THSD4: variants seen among roughly 807,000 people sequenced by gnomAD.
The protein encoded by THSD4 is thrombospondin type-1 domain-containing protein 4.
In THSD4, 69 loss-of-function variants were observed where a neutral mutation model predicts 119.0. That is an observed-to-expected ratio of 0.58 (90% CI 0.48 to 0.71). THSD4 has a LOEUF of 0.71. Ranked by LOEUF, THSD4 falls within the 30% of genes least tolerant of loss-of-function variation. The pLI is 0.00. For missense variants in THSD4, 1,393 were observed against 1,391.1 expected (o/e 1.00, Z -0.02); for synonymous variants, 524 against 540.4 (o/e 0.97, Z 0.42).
intron 6 of THSD4, among the ~76,000 whole-genome samples, chr15:71,371,236 T>A (rs887278734): frequency 7.2e-5 from 11 of 152,238 alleles, no homozygotes; most frequent in African/African-American, 2.7e-4. Context: ...TTATCCAGTT[T>A]GCCAGTTTGT....
chr15:71,625,381 A>G (rs1022860235), intron 7 of THSD4, among the ~76,000 whole-genome samples: 1 of 152,174 alleles, frequency 6.6e-6, no homozygotes, highest in African/African-American at 2.4e-5. Flanking sequence ...TGTTGAGTAT[A>G]TTGGGGGCTC....
chr15:71,442,660 G>GTGTGTGTATA, intron 7 of THSD4, among the ~76,000 whole-genome samples: 14 of 25,820 alleles, frequency 5.4e-4, no homozygotes, highest in African/African-American at 1.5e-3. Context: ...GTGTGTGTGT[G>GTGTGTGTATA]TATATATATA....
At chr15:71,550,339 T>C (rs1188382605) in intron 7 of THSD4, among the ~76,000 whole-genome samples, 1 of 152,218 alleles carries the variant, frequency 6.6e-6, no homozygotes, top group Non-Finnish European at 1.5e-5. Context: ...GACATTGTTA[T>C]ATGTAGGGAC....
chr15:71,157,262 T>C (rs1450657048), intron 3 of THSD4, among the ~76,000 whole-genome samples: 1 of 152,188 alleles, frequency 6.6e-6, no homozygotes, highest in Non-Finnish European at 1.5e-5. Context: ...TTTCTTCAAG[T>C]GTTTGCTCTG....
chr15:71,703,783 G>A (rs980781652), intron 8 of THSD4, among the ~76,000 whole-genome samples: 2 of 152,148 alleles, frequency 1.3e-5, no homozygotes, highest in African/African-American at 2.4e-5. Flanking sequence ...TCTGGTGAGG[G>A]GCAAGGATCT....
At chr15:71,291,849 A>G (rs932175280) in intron 6 of THSD4, among the ~76,000 whole-genome samples, 1 of 151,944 alleles carries the variant, frequency 6.6e-6, no homozygotes, top group African/African-American at 2.4e-5. Context: ...GAGGCCTCCT[A>G]CCCTTAGTCT....
chr15:71,108,685 T>G (rs898132487), intron 1 of THSD4, among the ~76,000 whole-genome samples: 2 of 152,172 alleles, frequency 1.3e-5, no homozygotes, highest in Non-Finnish European at 2.9e-5. Flanking sequence ...GGCCTCTGTT[T>G]TTTAATCTGA....
At chr15:71,504,172 T>G (rs2048155802) in intron 7 of THSD4, among the ~76,000 whole-genome samples, 1 of 152,194 alleles carries the variant, frequency 6.6e-6, no homozygotes, top group South Asian at 2.1e-4. Context: ...GATCAAGTCA[T>G]GCAGAATTTC....
chr15:71,406,634 G>T (rs1234614951), intron 6 of THSD4, among the ~76,000 whole-genome samples: 6 of 145,374 alleles, frequency 4.1e-5, no homozygotes, highest in African/African-American at 1.5e-4. Context: ...AGTTCTCTCA[G>T]GTTTGTTTGG....
In THSD4 at chr15:71,346,607, G is replaced by A. The variant is rs139430448; in HGVS notation, c.1016-65080G>A. Among the ~76,000 whole-genome samples, 124 of 152,178 alleles carry A rather than the reference G, an allele frequency of 8.1e-4. 3 individuals are homozygous for A. In the East Asian group the frequency reaches 0.024, roughly 29 times the overall value. On this transcript the variant is annotated intron_variant, in intron 6 of 17. Transcript: ENST00000261862. ...TTTACCAGTCCTAGCCCTGGAATCA[G>A]CCATTTTTCCAAGGAGCCCTCGTCC...
At chr15:71,646,586 T>C (rs913045299) in intron 7 of THSD4, among the ~76,000 whole-genome samples, 1 of 152,210 alleles carries the variant, frequency 6.6e-6, no homozygotes, top group Admixed American at 6.6e-5. Flanking sequence ...AAATAAAACA[T>C]AATATGCATT....
chr15:71,262,143 A>G (rs1047466529), intron 6 of THSD4, among the ~76,000 whole-genome samples: 1 of 152,218 alleles, frequency 6.6e-6, no homozygotes, highest in Non-Finnish European at 1.5e-5. Flanking sequence ...GCCACATAGA[A>G]TAGTAAAAGC....
intron 3 of THSD4, among the ~76,000 whole-genome samples, chr15:71,161,679 G>T (rs1255953548): frequency 6.7e-6 from 1 of 149,720 alleles, no homozygotes; most frequent in Non-Finnish European, 1.5e-5. Flanking sequence ...GTTGGATCTT[G>T]TTTTTTTTTA....
chr15:71,138,494 C>T (rs929310169), intron 1 of THSD4, among the ~76,000 whole-genome samples: 1 of 152,160 alleles, frequency 6.6e-6, no homozygotes, highest in African/African-American at 2.4e-5. Context: ...TTGTCTTTGA[C>T]ACCTCTCTTT....
Position 71,166,950 on chromosome 15 carries a change from T to G in THSD4, c.99+12018T>G, listed in dbSNP as rs111463245. The G allele has an allele frequency of 1.0e-2, 1,522 of 152,324 alleles. 24 individuals carry two copies. Among genetic ancestry groups the G allele is most frequent in the African/African-American group, 0.035 (1,436 of 41,572 alleles). 9.4% of individuals were successfully genotyped at this position (152,324 alleles called of 1,614,324 possible). ...TTCTCAGAATCATGTGGAGATTACT[T>G]TATATAGAGAACATATATTTTAGAA... is the stretch of plus-strand genomic sequence containing the variant. On this transcript the variant is annotated intron_variant, in intron 3 of 17. Transcript: ENST00000261862.
Position 71,747,012 on chromosome 15 carries a change from C to G in THSD4, c.2211C>G (p.Ser737Arg). 2 of 1,612,194 alleles carry G rather than the reference C, an allele frequency of 1.2e-6. No individual in the cohort carries two copies. The highest frequency in any genetic ancestry group is 1.7e-6 in the Non-Finnish European group (2 of 1,179,726). ...GCACCTGCCAACTCAAGATCTGCAG[C>G]GAGTGGCAGATCCGGACCGACTGGA... The part of the protein sequence containing the change: ...TTSTCQLKIC[S>R]EWQIRTDWTS... Residue 737 changes from serine (S) to arginine (R), a missense_variant, in exon 13 of 18, where the codon AGC becomes AGG. Coordinates refer to ENST00000261862, the MANE Select transcript of THSD4 (RefSeq NM_024817.3).
chr15:71,400,969 T>C (rs1294641825), intron 6 of THSD4, among the ~76,000 whole-genome samples: 4 of 152,194 alleles, frequency 2.6e-5, no homozygotes, highest in Non-Finnish European at 5.9e-5. Context: ...CACATGTTTA[T>C]GCACAGAATC....
chr15:71,345,024 C>T (rs2045635677), intron 6 of THSD4, among the ~76,000 whole-genome samples: 1 of 152,006 alleles, frequency 6.6e-6, no homozygotes, highest in Admixed American at 6.6e-5. Flanking sequence ...GCGAAAGAGT[C>T]ACAGAGAAAA....
At chr15:71,577,923 A>G (rs536436821) in intron 7 of THSD4, among the ~76,000 whole-genome samples, 3 of 150,534 alleles carry the variant, frequency 2.0e-5, no homozygotes, top group South Asian at 4.2e-4. Context: ...GGATTTCACC[A>G]TGTTGGCCAG....
Sources: gnomAD v4.1 joint callset for allele counts (sites outside exome capture counted in the v4.1 genomes callset) on GRCh38, gnomAD v4.1.1 for gene constraint, MANE v1.5 for transcripts, NCBI Gene and HGNC (gene_info 2026-07-23, HGNC 2026-07-21) for gene names.